The following CHD9 variants were observed in gnomAD, a reference collection of about 807,000 sequenced individuals.
CHD9 encodes chromodomain helicase DNA binding protein 9.
Under a neutral mutation model 316.1 loss-of-function variants are expected in CHD9, and 77 were observed. The observed-to-expected ratio is 0.24, with a 90% CI of 0.20 to 0.29. The LOEUF is 0.29. Among genes scored for constraint, CHD9 ranks in the 10% least tolerant of loss-of-function variants. CHD9 has a pLI of 1.00. For synonymous variants in CHD9, 1,129 were observed against 1,158.3 expected (o/e 0.97, Z 0.51); for missense variants, 2,763 against 3,438.1 (o/e 0.80, Z 4.91).
intron 1 of CHD9, among the ~76,000 whole-genome samples, chr16:53,096,818 G>GGACT (rs1462640831): frequency 1.3e-5 from 2 of 152,108 alleles, no homozygotes; most frequent in East Asian, 3.9e-4. Context: ...TTGCTTGAGG[G>GGACT]GACTCTCTGA....
intron 1 of CHD9, among the ~76,000 whole-genome samples, chr16:53,100,612 C>A (rs1373406260): frequency 6.6e-6 from 1 of 152,128 alleles, no homozygotes; most frequent in Non-Finnish European, 1.5e-5. Context: ...GCATGCACAA[C>A]CATGCCCGAC....
chr16:53,306,497 T>A, intron 32 of CHD9, 100 bp downstream of exon 32: 1 of 974,556 alleles, frequency 1.0e-6, no homozygotes, highest in Non-Finnish European at 1.4e-6. Flanking sequence ...TAGGTCAGCG[T>A]AAAATGTAGG....
chr16:53,263,154 A>G, intron 20 of CHD9, 57 bp downstream of exon 20: 3 of 1,301,082 alleles, frequency 2.3e-6, no homozygotes, highest in Non-Finnish European at 2.2e-6. Context: ...TGGCAATAGT[A>G]TTGTAATATT....
intron 19 of CHD9, among the ~76,000 whole-genome samples, chr16:53,257,960 AG>A: frequency 6.6e-6 from 1 of 152,244 alleles, no homozygotes; most frequent in East Asian, 1.9e-4. Context: ...TAATATCAAA[AG>A]GTGGTCATGG....
intron 1 of CHD9, among the ~76,000 whole-genome samples, chr16:53,120,538 G>A (rs1039759192): frequency 3.3e-5 from 5 of 152,042 alleles, no homozygotes; most frequent in African/African-American, 1.2e-4. Context: ...GCTTGAAACC[G>A]GGAGGCGGAG....
chr16:53,089,581 G>T (rs778366310), intron 1 of CHD9, among the ~76,000 whole-genome samples: 1 of 152,174 alleles, frequency 6.6e-6, no homozygotes, highest in Non-Finnish European at 1.5e-5. Context: ...CTTTGCCCAT[G>T]GTCAACATGG....
intron 29 of CHD9, among the ~76,000 whole-genome samples, chr16:53,296,620 A>AT (rs199635512): frequency 2.1e-3 from 325 of 151,310 alleles, no homozygotes; most frequent in African/African-American, 7.5e-3. Context: ...TTATTTTTGT[A>AT]TTTTTTAATA....
chr16:53,131,179 C>G (rs2152680499), intron 1 of CHD9: 1 of 149,642 alleles, frequency 6.7e-6, no homozygotes, highest in African/African-American at 2.5e-5. Context: ...CGGGTCGTGT[C>G]AGACGGGTGG....
At chr16:53,154,020 T>C (rs1329162546) in intron 1 of CHD9, among the ~76,000 whole-genome samples, 1 of 152,254 alleles carries the variant, frequency 6.6e-6, no homozygotes, top group Non-Finnish European at 1.5e-5. Flanking sequence ...GTATAAGTCC[T>C]TACCTGCTTT....
At chr16:53,298,038 A>G (rs1597884851) in intron 30 of CHD9, among the ~76,000 whole-genome samples, 1 of 152,234 alleles carries the variant, frequency 6.6e-6, no homozygotes, top group Non-Finnish European at 1.5e-5. Flanking sequence ...ATTCCCATCA[A>G]TAATATAGTG....
chr16:53,321,918 A>G (rs11075915), intron 38 of CHD9, among the ~76,000 whole-genome samples: 124,824 of 151,768 alleles, frequency 0.82, 51,551 homozygotes, highest in African/African-American at 0.9. Flanking sequence ...ATTCATCATG[A>G]TATACTAGTA....
intron 1 of CHD9, among the ~76,000 whole-genome samples, chr16:53,146,418 T>TATATAC (rs1432903157): frequency 1.1e-5 from 1 of 93,490 alleles, no homozygotes; most frequent in East Asian, 2.9e-4. Flanking sequence ...TGTGTGTGTA[T>TATATAC]GTATATATAT....
At chr16:53,197,131 T>C (rs1245194675) in intron 2 of CHD9, among the ~76,000 whole-genome samples, 1 of 152,178 alleles carries the variant, frequency 6.6e-6, no homozygotes, top group African/African-American at 2.4e-5. Flanking sequence ...GGCTGAGATA[T>C]ACTGGCAGAC....
chr16:53,181,282 A>T (rs2043495804), intron 2 of CHD9, among the ~76,000 whole-genome samples: 1 of 152,038 alleles, frequency 6.6e-6, no homozygotes, highest in Non-Finnish European at 1.5e-5. Context: ...TAGTGCTGGG[A>T]TTATAGATGG....
chr16:53,169,854 A>T (rs1026185132), intron 2 of CHD9, among the ~76,000 whole-genome samples: 1 of 152,162 alleles, frequency 6.6e-6, no homozygotes, highest in African/African-American at 2.4e-5. Flanking sequence ...TATCTGGTTT[A>T]AATTTCAGGA....
intron 22 of CHD9, among the ~76,000 whole-genome samples, chr16:53,270,203 T>G (rs2052110280): frequency 6.6e-6 from 1 of 150,712 alleles, no homozygotes; most frequent in Non-Finnish European, 1.5e-5. Context: ...AGTCTCACTT[T>G]GTTGCCCAGG....
intron 3 of CHD9, 147 bp downstream of exon 3, chr16:53,209,960 G>T (rs1049421367): frequency 6.6e-6 from 4 of 607,672 alleles, no homozygotes; most frequent in South Asian, 4.9e-5. Flanking sequence ...TTTCATTGCC[G>T]AATGAATTAG....
intron 20 of CHD9, among the ~76,000 whole-genome samples, chr16:53,266,816 A>G (rs1295312147): frequency 2.0e-5 from 3 of 152,196 alleles, no homozygotes; most frequent in Non-Finnish European, 4.4e-5. Context: ...TCTTTGTATT[A>G]AGTCTTTTGG....
chr16:53,111,634 A>T (rs1370996195), intron 1 of CHD9, among the ~76,000 whole-genome samples: 1 of 152,202 alleles, frequency 6.6e-6, no homozygotes, highest in Non-Finnish European at 1.5e-5. Flanking sequence ...CCATGGGAAG[A>T]TTCTGACTCA....
Sources: allele counts gnomAD v4.1 joint callset (sites outside exome capture counted in the v4.1 genomes callset), GRCh38; gene constraint gnomAD v4.1.1; transcripts MANE v1.5; gene names NCBI Gene and HGNC (gene_info 2026-07-23, HGNC 2026-07-21).